Variants in SH3RF2 observed in about 807,000 individuals in gnomAD.
SH3RF2 encodes SH3 domain containing ring finger 2.
In SH3RF2, 43 loss-of-function variants were observed where a neutral mutation model predicts 59.0. That is an observed-to-expected ratio of 0.73 (90% CI 0.57 to 0.94). The LOEUF is 0.94. Ranked by LOEUF, SH3RF2 falls within the 40% of genes least tolerant of loss-of-function variation. The pLI is 0.00. For missense variants in SH3RF2, 930 were observed against 940.1 expected, an observed-to-expected ratio of 0.99 and a Z score of 0.14; for synonymous variants, 391 against 391.5, an observed-to-expected ratio of 1.00 and a Z score of 0.01.
Position 146,000,343 on chromosome 5 carries a change from G to A in SH3RF2, c.648+16G>A. ...CTTCCTCAAGGTAGGATTCTGGGTGGCCACCAGAGTCACCTGGGACCACGT... is the reference window on the plus strand; with the variant it reads ...CTTCCTCAAGGTAGGATTCTGGGTGACCACCAGAGTCACCTGGGACCACGT... On this transcript the variant is annotated intron_variant, in intron 3 of 9. Transcript: ENST00000359120. The A allele has an allele frequency of 6.2e-7, 1 of 1,608,704 alleles. No homozygotes were observed. Among genetic ancestry groups the A allele is most frequent in the East Asian group, 2.2e-5 (1 of 44,700 alleles).
intron 2 of SH3RF2, among the ~76,000 whole-genome samples, chr5:145,981,912 G>T (rs886133320): frequency 6.6e-6 from 1 of 152,092 alleles, no homozygotes; most frequent in Non-Finnish European, 1.5e-5. Context: ...TCTGATAATT[G>T]TTAAATTATT....
At chr5:146,073,344 C>T (rs564670583) in intron 9 of SH3RF2, among the ~76,000 whole-genome samples, 1 of 152,242 alleles carries the variant, frequency 6.6e-6, no homozygotes, top group African/African-American at 2.4e-5. Context: ...AGTGTTGCCC[C>T]TCTGGGCACT....
intron 2 of SH3RF2, among the ~76,000 whole-genome samples, chr5:145,999,174 C>A (rs890939408): frequency 6.6e-6 from 1 of 152,130 alleles, no homozygotes; most frequent in Non-Finnish European, 1.5e-5. Flanking sequence ...CTCAGACTAT[C>A]TCTGCCAGCT....
chr5:145,953,721 T>A (rs1297543246), intron 2 of SH3RF2, among the ~76,000 whole-genome samples: 1 of 152,168 alleles, frequency 6.6e-6, no homozygotes, highest in Non-Finnish European at 1.5e-5. Flanking sequence ...TCCTCCACCT[T>A]CGAGTAGACC....
At chr5:145,997,276 G>C (rs2149981340) in intron 2 of SH3RF2, 1 of 980,716 alleles carries the variant, frequency 1.0e-6, no homozygotes, top group Admixed American at 1.7e-5. Flanking sequence ...AATGTACATG[G>C]AACCAAAGAA....
intron 5 of SH3RF2, among the ~76,000 whole-genome samples, chr5:146,046,930 A>AT (rs927388895): frequency 9.2e-5 from 14 of 152,136 alleles, no homozygotes; most frequent in East Asian, 5.8e-4. Context: ...CACCCAGCTA[A>AT]TTTTTTTAAA....
At chr5:145,965,147 C>T (rs371465262) in intron 2 of SH3RF2, among the ~76,000 whole-genome samples, 68 of 151,730 alleles carry the variant, frequency 4.5e-4, no homozygotes, top group Non-Finnish European at 6.8e-4. Flanking sequence ...GAGCTGAGAT[C>T]GCGCCACTGC....
At chr5:145,963,887 C>CAGT (rs1561712720) in intron 2 of SH3RF2, among the ~76,000 whole-genome samples, 1 of 149,688 alleles carries the variant, frequency 6.7e-6, no homozygotes, top group Non-Finnish European at 1.5e-5. Flanking sequence ...GGCTGGAGTG[C>CAGT]AGTGCCGCAA....
intron 7 of SH3RF2, among the ~76,000 whole-genome samples, chr5:146,053,262 A>G (rs1762559056): frequency 6.6e-6 from 1 of 152,220 alleles, no homozygotes; most frequent in South Asian, 2.1e-4. Flanking sequence ...ATTGACCACA[A>G]CTAAATCTCT....
intron 5 of SH3RF2, among the ~76,000 whole-genome samples, chr5:146,047,055 C>A (rs1762329446): frequency 6.6e-6 from 1 of 152,126 alleles, no homozygotes; most frequent in African/African-American, 2.4e-5. Context: ...CTGAGCCCGG[C>A]CTTCCAGGAG....
Position 146,056,009 on chromosome 5 carries a change from A to C in SH3RF2, c.1351A>C (p.Ser451Arg). The change falls in exon 8 of 10, where the codon AGC becomes CGC. Residue 451 changes from serine (S) to arginine (R), a missense_variant. Physicochemically the swap from Ser to Arg is moderately radical, Grantham distance 110. Coordinates refer to ENST00000359120, the MANE Select transcript of SH3RF2 (RefSeq NM_152550.4). ...RKTSSFPDSR[S>R]PGLYTTWTLS... ...GACCTCTAGTTTTCCAGACTCCCGG[A>C]GCCCTGGTCTCTACACCACATGGAC... is the stretch of plus-strand genomic sequence containing the variant. The C allele has an allele frequency of 1.9e-6, 3 of 1,614,116 alleles. No individual in the cohort carries two copies. Among genetic ancestry groups the C allele is most frequent in the Non-Finnish European group, 2.5e-6 (3 of 1,180,000 alleles).
chr5:145,964,429 C>A (rs1488507563), intron 2 of SH3RF2, among the ~76,000 whole-genome samples: 2 of 151,620 alleles, frequency 1.3e-5, no homozygotes, highest in African/African-American at 4.9e-5. Flanking sequence ...GCTTCAGGCT[C>A]CCAAGTAGCT....
exon 10 of SH3RF2, chr5:146,079,347 G>C (rs983952514): frequency 4.6e-5 from 7 of 152,174 alleles, no homozygotes; most frequent in African/African-American, 1.7e-4. Context: ...TAACCTGCAA[G>C]AGACATTGCT....
At chr5:146,016,576 A>T (rs545919952) in intron 5 of SH3RF2, among the ~76,000 whole-genome samples, 2 of 152,296 alleles carry the variant, frequency 1.3e-5, no homozygotes, top group South Asian at 2.1e-4. Context: ...AAGGTAATTA[A>T]GGCCCCAAAA....
chr5:146,059,847 C>T lies in SH3RF2; in HGVS notation c.1556-19C>T, dbSNP rs752773322. On this transcript the variant is annotated intron_variant, in intron 8 of 9. Transcript: ENST00000359120. ...CCAGCCGCCCCTGCTGCTGATCTCT[C>T]TGTCCTATAATTCCCCAGATGGATC... 7.0e-7 allele frequency: 1 copy of T among 1,421,944 alleles called. No individual in the cohort carries two copies. The highest frequency in any genetic ancestry group is 9.2e-7 in the Non-Finnish European group (1 of 1,083,650). 88.1% of individuals were successfully genotyped at this position (1,421,944 alleles called of 1,614,324 possible).
intron 5 of SH3RF2, among the ~76,000 whole-genome samples, chr5:146,046,757 T>C (rs890626672): frequency 6.6e-6 from 1 of 151,940 alleles, no homozygotes; most frequent in Non-Finnish European, 1.5e-5. Context: ...TAGTAGGCAG[T>C]TTACAGGAAC....
At chr5:145,983,199 A>G (rs921736887) in intron 2 of SH3RF2, among the ~76,000 whole-genome samples, 2 of 151,788 alleles carry the variant, frequency 1.3e-5, no homozygotes, top group African/African-American at 4.8e-5. Context: ...GGTAGCCAAA[A>G]TAGGAGTATT....
intron 2 of SH3RF2, among the ~76,000 whole-genome samples, chr5:145,960,266 T>G (rs1170542463): frequency 6.6e-6 from 1 of 152,110 alleles, no homozygotes; most frequent in Non-Finnish European, 1.5e-5. Context: ...CCTAAACTTA[T>G]AAGCTGGATG....
At chr5:146,045,753 C>T (rs192373567) in intron 5 of SH3RF2, among the ~76,000 whole-genome samples, 10 of 152,238 alleles carry the variant, frequency 6.6e-5, no homozygotes, top group Non-Finnish European at 8.8e-5. Context: ...AGTTGTTTCC[C>T]GCTTTGGGTT....
Sources: allele counts gnomAD v4.1 joint callset (sites outside exome capture counted in the v4.1 genomes callset), GRCh38; gene constraint gnomAD v4.1.1; transcripts MANE v1.5; gene names NCBI Gene and HGNC (gene_info 2026-07-23, HGNC 2026-07-21).